The following EVL variants were observed in gnomAD, a reference collection of about 807,000 sequenced individuals.
EVL encodes the protein Enah/Vasp-like, also known as ena/VASP-like protein.
A neutral mutation model predicts 59.6 loss-of-function variants in EVL; 21 were observed. That is an observed-to-expected ratio of 0.35 (90% CI 0.25 to 0.51). The LOEUF (loss-of-function observed/expected upper bound fraction) is 0.51, where lower values mean the gene tolerates loss of function less well. EVL is among the 20% of genes least tolerant of loss of function. The pLI is 0.97. For synonymous variants in EVL, 198 were observed against 203.5 expected (o/e 0.97, Z 0.23); for missense variants, 462 against 546.6 (o/e 0.85, Z 1.54).
At chr14:100,085,098 A>G (rs1595152984) in intron 2 of EVL, 5 of 406,650 alleles carry the variant, frequency 1.2e-5, no homozygotes, top group Admixed American at 4.1e-5. Flanking sequence ...CACCCTGCCT[A>G]TTTCACTGTG....
intron 3 of EVL, among the ~76,000 whole-genome samples, chr14:100,118,229 G>A (rs1887474005): frequency 6.6e-6 from 1 of 152,198 alleles, no homozygotes; most frequent in African/African-American, 2.4e-5. Context: ...AGTGGGAGGG[G>A]AGGAGTGTCA....
chr14:100,125,003 C>T (rs185481797), intron 4 of EVL, among the ~76,000 whole-genome samples: 169 of 151,636 alleles, frequency 1.1e-3, no homozygotes, highest in Non-Finnish European at 1.6e-3. Context: ...CACACACATG[C>T]GCACACACAC....
rs1312419390 is a variant in EVL at position 100,012,133 on chromosome 14, T to G, written c.5+40076T>G. Among the ~76,000 whole-genome samples the G allele has an allele frequency of 3.9e-5, 6 of 152,186 alleles. No individual in the cohort carries two copies. In the East Asian group the frequency reaches 1.2e-3, roughly 29 times the overall value. The stretch of plus-strand genomic sequence containing the variant: ...AGCCAGGGTTCAAAAGGGACATTGA[T>G]AAGAACAGTGAATTGAAGTGGAAAA... On this transcript the variant is annotated intron_variant, in intron 1 of 13. Transcript: ENST00000402714.
chr14:99,976,137 TC>T (rs2140166642), intron 1 of EVL, among the ~76,000 whole-genome samples: 1 of 152,182 alleles, frequency 6.6e-6, no homozygotes, highest in South Asian at 2.1e-4. Flanking sequence ...CACCTTAGCC[TC>T]CCAAGTAGCT....
In EVL at chr14:100,079,544, T is replaced by A. The variant is rs1012353481; in HGVS notation, c.12-5143T>A. ...GCAGAGGGAGAAGCAAGCATGGGGCTGCAGGAGCCAGCCTCTCTCTGGACA... is the reference window on the plus strand; with the variant it reads ...GCAGAGGGAGAAGCAAGCATGGGGCAGCAGGAGCCAGCCTCTCTCTGGACA... On this transcript the variant is annotated intron_variant, in intron 1 of 13. Transcript: ENST00000392920. 5.3e-5 allele frequency among the ~76,000 whole-genome samples: 8 copies of A among 152,314 alleles called. No homozygotes were observed. The South Asian group carries it at 1.7e-3, about 32-fold the overall frequency.
chr14:100,115,271 C>A (rs1887264027), intron 3 of EVL, among the ~76,000 whole-genome samples: 1 of 152,114 alleles, frequency 6.6e-6, no homozygotes, highest in Admixed American at 6.5e-5. Context: ...GGCCTGGAAG[C>A]TGGAGACTGG....
intron 1 of EVL, among the ~76,000 whole-genome samples, chr14:99,976,388 T>C (rs759989845): frequency 2.4e-4 from 36 of 152,274 alleles, no homozygotes; most frequent in Middle Eastern, 3.4e-3. Flanking sequence ...CCAAGCTATC[T>C]GCCAAAATTA....
chr14:100,045,115 A>G (rs961022190), intron 1 of EVL, among the ~76,000 whole-genome samples: 3 of 152,216 alleles, frequency 2.0e-5, no homozygotes, highest in African/African-American at 7.2e-5. Flanking sequence ...TCCCGTCTGC[A>G]GTTGGGAGCC....
chr14:100,026,526 G>A (rs1028113694), intron 1 of EVL, among the ~76,000 whole-genome samples: 1 of 152,102 alleles, frequency 6.6e-6, no homozygotes, highest in African/African-American at 2.4e-5. Context: ...CGTGGTGCCT[G>A]GCACGTGCTC....
chr14:100,141,396 G>C, intron 12 of EVL, 150 bp downstream of exon 12: 1 of 772,266 alleles, frequency 1.3e-6, no homozygotes, highest in Admixed American at 2.6e-5. Context: ...GAAAGGGGGT[G>C]CCCAAGCCTG....
chr14:100,100,784 C>CAAAAA (rs60820079), intron 3 of EVL, among the ~76,000 whole-genome samples: 10 of 47,682 alleles, frequency 2.1e-4, no homozygotes, highest in Non-Finnish European at 4.1e-4. Flanking sequence ...GAGTCTGTCT[C>CAAAAA]AAAAAAAAAA....
rs1314257099 is a variant in EVL at position 100,109,686 on chromosome 14, G to A, written c.358+12028G>A. ...GGGCTCAAGGTGAGGGGTGCTATCT[G>A]TGATTGAGGGACATGGTTAATGGAA... On this transcript the variant is annotated intron_variant, in intron 3 of 13. Coordinates refer to ENST00000392920, the MANE Select transcript of EVL (RefSeq NM_016337.3). The surrounding 1 kb of genome is among the most constrained non-coding windows in gnomAD (Gnocchi z 4.3). 1 of 532,562 alleles carries A rather than the reference G, an allele frequency of 1.9e-6. No individual in the cohort carries two copies. The highest frequency in any genetic ancestry group is 5.4e-5 in the East Asian group (1 of 18,356). The allele number at this position is 532,562 out of a possible 1,614,324, so 33.0% of individuals were successfully genotyped here.
intron 2 of EVL, among the ~76,000 whole-genome samples, chr14:100,091,736 G>A (rs1019770604): frequency 6.6e-6 from 1 of 152,212 alleles, no homozygotes; most frequent in Non-Finnish European, 1.5e-5. Flanking sequence ...CAGGGGTCAT[G>A]ATAACCATGA....
intron 3 of EVL, among the ~76,000 whole-genome samples, chr14:100,122,552 A>T (rs1003612461): frequency 6.6e-6 from 1 of 152,234 alleles, no homozygotes; most frequent in Non-Finnish European, 1.5e-5. Context: ...AGGAGGGAAC[A>T]GGGCTGTCCC....
chr14:100,128,133 A>G (rs924898312), intron 5 of EVL, among the ~76,000 whole-genome samples: 9 of 152,190 alleles, frequency 5.9e-5, no homozygotes, highest in Non-Finnish European at 1.2e-4. Context: ...TTGGTGACCA[A>G]CTTCTGCCTA....
At chr14:100,070,959 G>A (rs779625712) in intron 1 of EVL, among the ~76,000 whole-genome samples, 36 of 152,176 alleles carry the variant, frequency 2.4e-4, no homozygotes, top group South Asian at 4.1e-4. Flanking sequence ...GGGCTACGCC[G>A]GTGGCCTTGA....
rs538112172 is a variant in EVL, at chr14:100,067,439, C to T, written c.11+1928C>T. Among the ~76,000 whole-genome samples, 19 of 152,276 alleles carry T rather than the reference C, an allele frequency of 1.2e-4. No homozygotes were observed. In the East Asian group the frequency reaches 3.5e-3, roughly 28 times the overall value. On this transcript the variant is annotated intron_variant, in intron 1 of 13. Transcript: ENST00000392920. ...ACAACGTACAGAATGCTTTCACTGA[C>T]GTTATTTAGTTATCGCAATAATCCT...
At chr14:100,141,389 AG>A in intron 12 of EVL, 143 bp downstream of exon 12, 1 of 820,342 alleles carries the variant, frequency 1.2e-6, no homozygotes, top group Non-Finnish European at 1.9e-6. Context: ...CACGGCAGAA[AG>A]GGGGTGCCCA....
chr14:100,016,043 C>T (rs1595564097), intron 1 of EVL, among the ~76,000 whole-genome samples: 2 of 149,596 alleles, frequency 1.3e-5, no homozygotes, highest in Non-Finnish European at 3.0e-5. Flanking sequence ...TGCACCACTG[C>T]GCTCCAGCCT....
Sources: gnomAD v4.1 joint callset for allele counts (sites outside exome capture counted in the v4.1 genomes callset) on GRCh38, gnomAD v4.1.1 for gene constraint, Gnocchi (gnomAD v3.1) non-coding constraint, MANE v1.5 for transcripts, NCBI Gene and HGNC (gene_info 2026-07-23, HGNC 2026-07-21) for gene names.